Variants in SREBF1 observed in about 807,000 individuals in gnomAD.
SREBF1 encodes sterol regulatory element-binding protein 1.
In SREBF1, 45 loss-of-function variants were observed where a neutral mutation model predicts 100.1. The ratio of observed to expected loss-of-function variants is 0.45; its 90% CI spans 0.35 to 0.58. SREBF1 has a LOEUF of 0.58. SREBF1 is among the 20% of genes least tolerant of loss of function. SREBF1 has a pLI of 0.00. For synonymous variants in SREBF1, 657 were observed against 681.8 expected, an observed-to-expected ratio of 0.96 and a Z score of 0.57; for missense variants, 1,324 against 1,539.4, an observed-to-expected ratio of 0.86 and a Z score of 2.34.
At chr17:17,816,185 C>CCCCCCCCCCCCCACTCCCG in intron 11 of SREBF1, 22 bp downstream of exon 11, 1 of 28,784 alleles carries the variant, frequency 3.5e-5, no homozygotes, top group Non-Finnish European at 6.2e-5. Flanking sequence ...GGGATAAGCC[C>CCCCCCCCCCCCCACTCCCG]CCAGCCCCCC....
rs1346278719 is a variant in SREBF1, at chr17:17,824,964, G to A, written c.92-4443C>T. Among the ~76,000 whole-genome samples, 1 of 152,204 alleles carries A rather than the reference G, an allele frequency of 6.6e-6. No individual in the cohort carries two copies. The highest frequency in any genetic ancestry group is 1.5e-5 in the Non-Finnish European group (1 of 67,998). ...CATGGCCCAACCCTCCCCTCAGCCC[G>A]CGGGTGTTCCCTCACCCCCAAAACA... On this transcript the variant is annotated intron_variant, in intron 1 of 18. Transcript: ENST00000261646. This position sits in a 1 kb window ranked among gnomAD's most constrained non-coding sequence, Gnocchi z 4.2.
At position 17,813,755 on chromosome 17, in the gene SREBF1, G is replaced by T; in HGVS notation, c.2916C>A (p.Phe972Leu). 2 of 1,535,430 alleles carry T rather than the reference G, an allele frequency of 1.3e-6. No homozygotes were observed. Among genetic ancestry groups the T allele is most frequent in the Non-Finnish European group, 8.7e-7 (1 of 1,146,744 alleles). Reference protein sequence around the residue: ...SSSIDKAVQLFLCDLLLVVRT... With the variant: ...SSSIDKAVQLLLCDLLLVVRT... The stretch of plus-strand genomic sequence containing the variant: ...GCACCACAAGAAGCAGGTCACACAG[G>T]AACAGCTGCACGGCCTGGGGGTGGC... Residue 972 changes from phenylalanine (F) to leucine (L), a missense_variant, in exon 17 of 19, where the codon TTC becomes TTA. Coordinates refer to ENST00000261646, the MANE Select transcript of SREBF1 (RefSeq NM_004176.5).
chr17:17,819,854 C>T (rs1598124441), intron 2 of SREBF1, 129 bp from the exon 3 acceptor site: 1 of 1,319,362 alleles, frequency 7.6e-7, no homozygotes. Flanking sequence ...TGGACAGTCC[C>T]TGCCTGGGCT....
At chr17:17,836,700 C>T in intron 1 of SREBF1, 27 bp downstream of exon 1, 7 of 1,545,116 alleles carry the variant, frequency 4.5e-6, no homozygotes, top group Non-Finnish European at 5.2e-6. Context: ...CCCGGCGCAG[C>T]TTCAAGCCCT....
chr17:17,820,085 C>A lies in SREBF1; in HGVS notation c.523+5G>T. 1 of 1,610,606 alleles carries A rather than the reference C, an allele frequency of 6.2e-7. No homozygotes were observed. The highest frequency in any genetic ancestry group is 1.1e-5 in the South Asian group (1 of 90,890). On this transcript the variant is annotated splice_donor_5th_base_variant and intron_variant, in intron 2 of 18. Coordinates refer to ENST00000261646, the MANE Select transcript of SREBF1 (RefSeq NM_004176.5). ...GTGTCCCCTCCCGCCACACATCCCCCTTACCTGTAGAGAAGCCTCCCGGAG... is the reference window on the plus strand; with the variant it reads ...GTGTCCCCTCCCGCCACACATCCCCATTACCTGTAGAGAAGCCTCCCGGAG...
At chr17:17,818,699 T>C (rs1418263722) in intron 5 of SREBF1, 3 of 552,662 alleles carry the variant, frequency 5.4e-6, no homozygotes, top group Non-Finnish European at 9.8e-6. Context: ...GAGCCAAACG[T>C]GGTGGTCTCG....
Position 17,828,899 on chromosome 17 carries a change from G to C in SREBF1, c.91+7828C>G, listed in dbSNP as rs1202220257. Among the ~76,000 whole-genome samples the C allele has an allele frequency of 4.1e-4, 62 of 151,642 alleles. 2 individuals are homozygous for C. The highest frequency in any genetic ancestry group is 4.1e-3 in the Admixed American group (62 of 15,234). On this transcript the variant is annotated intron_variant, in intron 1 of 18. Transcript: ENST00000261646. ...ATGGTATTCCAGCCTGGGTGACAGA[G>C]CAAGACCCCGTCTCTAAAAACAAAC...
chr17:17,811,989 G>T lies in SREBF1; in HGVS notation c.*633C>A. On this transcript the variant is annotated 3_prime_UTR_variant, in exon 19 of 19. Transcript: ENST00000261646. Reference sequence around the variant, plus strand: ...GTTGTGTACCTTGTGGCCGGAGGGGGAGGGGAAGCCTTTCCCTAGGTGCTG... The same window carrying T: ...GTTGTGTACCTTGTGGCCGGAGGGGTAGGGGAAGCCTTTCCCTAGGTGCTG... 1 of 444,948 alleles carries T rather than the reference G, an allele frequency of 2.2e-6. No homozygotes were observed. Among genetic ancestry groups the T allele is most frequent in the South Asian group, 1.6e-5 (1 of 62,624 alleles). 27.6% of individuals were successfully genotyped at this position (444,948 alleles called of 1,614,324 possible).
intron 18 of SREBF1, chr17:17,813,131 GTCT>G (rs1445225075): frequency 1.8e-5 from 11 of 603,198 alleles, no homozygotes; most frequent in Non-Finnish European, 2.9e-5. Flanking sequence ...AAGATGCTTG[GTCT>G]TTTTTTTTTT....
At chr17:17,835,771 C>T (rs573955499) in intron 1 of SREBF1, among the ~76,000 whole-genome samples, 41 of 152,254 alleles carry the variant, frequency 2.7e-4, no homozygotes, top group Non-Finnish European at 5.1e-4. Context: ...CTTCTCATCA[C>T]AGCCAGGGTG....
rs1320696996 is a variant in SREBF1 at position 17,815,966 on chromosome 17, G to T, written c.2277C>A (p.Ala759=). ...CCACGGGGTGGCAGAGCCACTGCAT[G>T]GCAGGAGGCACTGAGCCACTCTGTG... ...CLAQSGSVPP[A]MQWLCHPVGH... Residue 759 remains alanine, a synonymous_variant, in exon 12 of 19, where the codon GCC becomes GCA. Transcript: ENST00000261646. The T allele has an allele frequency of 6.2e-7, 1 of 1,612,758 alleles. No individual in the cohort carries two copies. Among genetic ancestry groups the T allele is most frequent in the African/African-American group, 1.3e-5 (1 of 74,902 alleles).
chr17:17,814,111 C>G, intron 16 of SREBF1, 134 bp downstream of exon 16: 2 of 1,058,210 alleles, frequency 1.9e-6, no homozygotes, highest in Non-Finnish European at 2.8e-6. Context: ...AAAGCAGGGT[C>G]TGCTGGACCC....
chr17:17,831,391 C>A (rs992878922), intron 1 of SREBF1, among the ~76,000 whole-genome samples: 2 of 151,954 alleles, frequency 1.3e-5, no homozygotes, highest in African/African-American at 4.8e-5. Flanking sequence ...GACATCAGGG[C>A]GGGAGAACTC....
At chr17:17,832,791 G>A (rs1329525252) in intron 1 of SREBF1, among the ~76,000 whole-genome samples, 1 of 152,020 alleles carries the variant, frequency 6.6e-6, no homozygotes, top group African/African-American at 2.4e-5. Context: ...ATGGTGGCAC[G>A]CACCTATAGT....
At chr17:17,835,027 C>T (rs1344700452) in intron 1 of SREBF1, among the ~76,000 whole-genome samples, 1 of 152,136 alleles carries the variant, frequency 6.6e-6, no homozygotes, top group Admixed American at 6.5e-5. Context: ...ACCTGTGGCC[C>T]AGAACGGGTT....
intron 1 of SREBF1, among the ~76,000 whole-genome samples, chr17:17,833,924 T>C (rs1177783736): frequency 6.6e-6 from 1 of 151,548 alleles, no homozygotes; most frequent in Non-Finnish European, 1.5e-5. Flanking sequence ...TGAGCTGAGA[T>C]CATGCCACTG....
In SREBF1 at chr17:17,811,600, C is replaced by G. The variant is rs2032849155; in HGVS notation, c.*1022G>C. The G allele has an allele frequency of 7.4e-6, 3 of 404,426 alleles. No homozygotes were observed. Among genetic ancestry groups the G allele is most frequent in the African/African-American group, 2.2e-5 (1 of 45,798 alleles). 25.1% of individuals were successfully genotyped at this position (404,426 alleles called of 1,614,324 possible). On this transcript the variant is annotated 3_prime_UTR_variant, in exon 19 of 19. Transcript: ENST00000261646. Reference sequence around the variant, plus strand: ...TCACAGAACAGGAAACCTCCCCCGCCCCTGTGCCCCCTCTCCAGTGTGGCG... The same window carrying G: ...TCACAGAACAGGAAACCTCCCCCGCGCCTGTGCCCCCTCTCCAGTGTGGCG...
chr17:17,813,059 C>T, intron 18 of SREBF1: 1 of 604,154 alleles, frequency 1.7e-6, no homozygotes, highest in South Asian at 2.0e-5. Context: ...TCATGTATCC[C>T]ACAAATGACA....
intron 1 of SREBF1, among the ~76,000 whole-genome samples, chr17:17,831,539 C>T (rs187099071): frequency 5.9e-5 from 9 of 152,252 alleles, no homozygotes; most frequent in African/African-American, 2.2e-4. Context: ...AAAGAGACCC[C>T]GAGGCCCTGT....
Sources: gnomAD v4.1 joint callset for allele counts (sites outside exome capture counted in the v4.1 genomes callset) on GRCh38, gnomAD v4.1.1 for gene constraint, Gnocchi (gnomAD v3.1) non-coding constraint, MANE v1.5 for transcripts, NCBI Gene and HGNC (gene_info 2026-07-23, HGNC 2026-07-21) for gene names.